Variants in RGS7BP observed in about 807,000 individuals in gnomAD.
The protein encoded by RGS7BP is regulator of G protein signaling 7 binding protein.
RGS7BP carries 9 observed loss-of-function variants against 31.3 expected under a neutral mutation model. That is an observed-to-expected ratio of 0.29 (90% CI 0.17 to 0.50). The LOEUF is 0.50. RGS7BP is among the 20% of genes least tolerant of loss of function. RGS7BP has a pLI of 0.98. For missense variants in RGS7BP, 274 were observed against 322.0 expected, an observed-to-expected ratio of 0.85 and a Z score of 1.14; for synonymous variants, 115 against 120.1, an observed-to-expected ratio of 0.96 and a Z score of 0.28.
intron 2 of RGS7BP, among the ~76,000 whole-genome samples, chr5:64,528,721 G>A (rs1264603849): frequency 6.8e-6 from 1 of 147,892 alleles, no homozygotes; most frequent in East Asian, 2.0e-4. Context: ...TGCGGCAGGA[G>A]AATCGCTTGA....
intron 3 of RGS7BP, among the ~76,000 whole-genome samples, chr5:64,589,845 T>C (rs1742860568): frequency 6.7e-6 from 1 of 149,976 alleles, no homozygotes; most frequent in African/African-American, 2.5e-5. Flanking sequence ...GAGGATCACA[T>C]AAGCCCAGGA....
At chr5:64,596,684 C>G (rs1036189053) in intron 4 of RGS7BP, among the ~76,000 whole-genome samples, 1 of 152,162 alleles carries the variant, frequency 6.6e-6, no homozygotes, top group Non-Finnish European at 1.5e-5. Flanking sequence ...CCTCACACCT[C>G]GCACCCATGA....
At chr5:64,538,264 A>T (rs1741424297) in intron 2 of RGS7BP, among the ~76,000 whole-genome samples, 1 of 152,084 alleles carries the variant, frequency 6.6e-6, no homozygotes, top group Admixed American at 6.6e-5. Context: ...GAGTTTTGAC[A>T]AATGTGTAGA....
chr5:64,598,440 G>A lies in RGS7BP; in HGVS notation c.682+5G>A, dbSNP rs1415478522. 1 of 1,578,920 alleles carries A rather than the reference G, an allele frequency of 6.3e-7. No homozygotes were observed. The highest frequency in any genetic ancestry group is 2.2e-5 in the East Asian group (1 of 44,704). Reference sequence around the variant, plus strand: ...CTTTACCATTGAAAAATCAAGGTGAGTCTTGTCACTTCTCTTTGAGGCAGA... The same window carrying A: ...CTTTACCATTGAAAAATCAAGGTGAATCTTGTCACTTCTCTTTGAGGCAGA... On this transcript the variant is annotated splice_donor_5th_base_variant and intron_variant, in intron 5 of 5. Coordinates refer to ENST00000334025, the MANE Select transcript of RGS7BP (RefSeq NM_001029875.3).
intron 2 of RGS7BP, among the ~76,000 whole-genome samples, chr5:64,510,172 A>C (rs1015694981): frequency 2.6e-5 from 4 of 152,220 alleles, no homozygotes; most frequent in Non-Finnish European, 5.9e-5. Context: ...ACTATTTGTC[A>C]TCACAACCCA....
chr5:64,537,104 G>T (rs1741394781), intron 2 of RGS7BP, among the ~76,000 whole-genome samples: 2 of 152,156 alleles, frequency 1.3e-5, no homozygotes, highest in African/African-American at 2.4e-5. Context: ...TGTATAATGA[G>T]TATGGTTCTT....
intron 3 of RGS7BP, 139 bp downstream of exon 3, chr5:64,576,043 T>C (rs578095067): frequency 1.4e-6 from 1 of 731,438 alleles, no homozygotes; most frequent in East Asian, 2.9e-5. Flanking sequence ...AAATGCTTGC[T>C]ATATAAATGA....
chr5:64,559,007 G>A (rs562091664), intron 2 of RGS7BP, among the ~76,000 whole-genome samples: 11 of 152,236 alleles, frequency 7.2e-5, no homozygotes, highest in East Asian at 5.8e-4. Context: ...AGCGGGACAC[G>A]GAACTTCATT....
intron 2 of RGS7BP, among the ~76,000 whole-genome samples, chr5:64,527,606 TAAAAAAAAAAAAAAAAAAAAAAAA>T (rs59081277): frequency 3.5e-5 from 3 of 86,464 alleles, no homozygotes; most frequent in Non-Finnish European, 4.6e-5. Context: ...CTTATAACAG[TAAAAAAAAAAAAAAAAAAAAAAAA>T]AAAAAAAAAA....
At chr5:64,606,434 T>C (rs1458831673) in intron 5 of RGS7BP, among the ~76,000 whole-genome samples, 1 of 152,012 alleles carries the variant, frequency 6.6e-6, no homozygotes, top group Non-Finnish European at 1.5e-5. Flanking sequence ...AGAAAATAGA[T>C]CTTCCAAGTC....
At position 64,609,881 on chromosome 5, in the gene RGS7BP, C is replaced by T. The variant is rs961169981; in HGVS notation, c.*629C>T. ...CAACAAAAACCACATATGAAAAGTA[C>T]TAAAATTTTGTAAATACACAATAAT... On this transcript the variant is annotated 3_prime_UTR_variant, in exon 6 of 6. Transcript: ENST00000334025. 4 of 152,396 alleles carry T rather than the reference C, an allele frequency of 2.6e-5. No homozygotes were observed. Among genetic ancestry groups the T allele is most frequent in the Non-Finnish European group, 1.5e-5 (1 of 67,966 alleles). The allele number at this position is 152,396 out of a possible 1,614,324, so 9.4% of individuals were successfully genotyped here. A position where few individuals can be genotyped will look rare whatever the true frequency, so the allele number is the denominator to read the frequency against.
rs35400833 is a variant in RGS7BP at position 64,560,543 on chromosome 5, G to GTATATATA, written c.333-15218_333-15211dup. Among the ~76,000 whole-genome samples the GTATATATA allele has an allele frequency of 3.5e-3, 519 of 147,274 alleles. 1 individual carries two copies. The highest frequency in any genetic ancestry group is 0.011 in the African/African-American group (447 of 40,404). Reference sequence around the variant, plus strand: ...AATATGTCTAATAGTTAATATCATTGTATATATATATATATATATAATCTA... The same window carrying GTATATATA: ...AATATGTCTAATAGTTAATATCATTGTATATATATATATATATATATATATATAATCTA... On this transcript the variant is annotated intron_variant, in intron 2 of 5. Coordinates refer to ENST00000334025, the MANE Select transcript of RGS7BP (RefSeq NM_001029875.3).
chr5:64,531,450 G>C (rs193213268), intron 2 of RGS7BP, among the ~76,000 whole-genome samples: 286 of 152,254 alleles, frequency 1.9e-3, no homozygotes, highest in Non-Finnish European at 3.5e-3. Context: ...TGGGGAGTTT[G>C]TTGTTCGACA....
Position 64,507,756 on chromosome 5 carries a change from G to A in RGS7BP, c.211G>A (p.Val71Ile), listed in dbSNP as rs1179474736. The change falls in exon 2 of 6, where the codon GTC (valine) becomes ATC (isoleucine). Residue 71 changes from valine to isoleucine, a missense_variant. Transcript: ENST00000334025. ...NTQVALYREL[V>I]ISIGDVSVSC... ...ACAAGTGGCCCTGTACCGAGAGCTG[G>A]TCATTTCTATTGGGGATGTCTCGGT... is the stretch of plus-strand genomic sequence containing the variant. The A allele has an allele frequency of 1.9e-6, 3 of 1,613,718 alleles. No individual in the cohort carries two copies. Among genetic ancestry groups the A allele is most frequent in the African/African-American group, 1.3e-5 (1 of 74,856 alleles).
Position 64,506,377 on chromosome 5 carries a change from T to C in RGS7BP, c.-248T>C, listed in dbSNP as rs1298844756. The C allele has an allele frequency of 8.0e-6, 3 of 376,198 alleles. No homozygotes were observed. Among genetic ancestry groups the C allele is most frequent in the Non-Finnish European group, 1.4e-5 (3 of 211,484 alleles). The allele number at this position is 376,198 out of a possible 1,614,324, so 23.3% of individuals were successfully genotyped here. A position where few individuals can be genotyped will look rare whatever the true frequency, so the allele number is the denominator to read the frequency against. On this transcript the variant is annotated 5_prime_UTR_variant, in exon 1 of 6. Coordinates refer to ENST00000334025, the MANE Select transcript of RGS7BP (RefSeq NM_001029875.3). This position sits in a 1 kb window ranked among gnomAD's most constrained non-coding sequence, Gnocchi z 4.6. ...GCTCCCGGGACAGGGTCGGCAATGCTGCTGAGCAGAACTTGATCGCGCTCC... is the reference window on the plus strand; with the variant it reads ...GCTCCCGGGACAGGGTCGGCAATGCCGCTGAGCAGAACTTGATCGCGCTCC...
At chr5:64,573,671 T>C (rs1422698659) in intron 2 of RGS7BP, 1 of 151,408 alleles carries the variant, frequency 6.6e-6, no homozygotes, top group Non-Finnish European at 1.5e-5. Context: ...ATATTTATAT[T>C]GTTCAAAGTT....
chr5:64,568,785 T>A (rs1047780473), intron 2 of RGS7BP, among the ~76,000 whole-genome samples: 3 of 151,560 alleles, frequency 2.0e-5, no homozygotes, highest in African/African-American at 4.8e-5. Flanking sequence ...GGTTATTGTT[T>A]TTTTTTTTTT....
intron 5 of RGS7BP, among the ~76,000 whole-genome samples, chr5:64,608,678 T>C (rs1743426603): frequency 6.6e-6 from 1 of 152,094 alleles, no homozygotes; most frequent in Non-Finnish European, 1.5e-5. Flanking sequence ...AACTCTATTT[T>C]ACAGACAGCT....
chr5:64,541,857 T>C (rs1414023122), intron 2 of RGS7BP, among the ~76,000 whole-genome samples: 1 of 152,226 alleles, frequency 6.6e-6, no homozygotes, highest in Admixed American at 6.5e-5. Flanking sequence ...CTATCTCTGC[T>C]GGTTCTTCTT....
Sources: allele counts gnomAD v4.1 joint callset (sites outside exome capture counted in the v4.1 genomes callset), GRCh38; gene constraint gnomAD v4.1.1; non-coding constraint Gnocchi (gnomAD v3.1); transcripts MANE v1.5; gene names NCBI Gene and HGNC (gene_info 2026-07-23, HGNC 2026-07-21).